The following DSG4 variants were observed in gnomAD, a reference collection of about 807,000 sequenced individuals.
DSG4 encodes desmoglein 4.
Under a neutral mutation model 93.1 loss-of-function variants are expected in DSG4, and 87 were observed. The observed-to-expected ratio is 0.93, with a 90% CI of 0.79 to 1.12. DSG4 has a LOEUF of 1.12. DSG4 is among the 50% of genes most tolerant of loss of function. The pLI is 0.00. For synonymous variants in DSG4, 432 were observed against 452.9 expected (o/e 0.95, Z 0.59); for missense variants, 1,373 against 1,285.7 (o/e 1.07, Z -1.04).
At position 31,406,102 on chromosome 18, in the gene DSG4, G is replaced by C; in HGVS notation, c.1662G>C (p.Lys554Asn). The change falls in exon 12 of 16, where the codon AAG (lysine) becomes AAC (asparagine). Residue 554 changes from lysine (K) to asparagine (N), a missense_variant. By Grantham distance (94) the Lys-to-Asn change is moderately conservative. Transcript: ENST00000308128. ...TNATSAILTA[K>N]QVLSPGFYEI... ...CTACCTCGGCAATCCTTACGGCTAA[G>C]CAGGTTTTATCTCCAGGATTTTATG... 1 of 1,614,048 alleles carries C rather than the reference G, an allele frequency of 6.2e-7. No homozygotes were observed. Among genetic ancestry groups the C allele is most frequent in the Non-Finnish European group, 8.5e-7 (1 of 1,180,010 alleles).
At chr18:31,377,959 A>G (rs2072094360) in intron 1 of DSG4, among the ~76,000 whole-genome samples, 2 of 152,234 alleles carry the variant, frequency 1.3e-5, no homozygotes, top group Admixed American at 1.3e-4. Context: ...TGTAAGAGAC[A>G]GAGAGTAGCT....
At chr18:31,392,054 G>C in intron 7 of DSG4, 101 bp from the exon 8 acceptor site, 1 of 1,126,142 alleles carries the variant, frequency 8.9e-7, no homozygotes, top group Non-Finnish European at 1.3e-6. Flanking sequence ...AAAAATCATC[G>C]ACATAGTTTG....
chr18:31,389,792 A>G (rs2072228525), intron 5 of DSG4, among the ~76,000 whole-genome samples: 2 of 152,196 alleles, frequency 1.3e-5, no homozygotes, highest in African/African-American at 4.8e-5. Context: ...ATTTCAGGAA[A>G]AAAGGCAGAT....
Position 31,406,608 on chromosome 18 carries a change from A to G in DSG4, c.1933+235A>G, listed in dbSNP as rs143233279. Among the ~76,000 whole-genome samples the G allele has an allele frequency of 1.1e-3, 166 of 152,308 alleles. 1 individual carries two copies. The highest frequency in any genetic ancestry group is 3.8e-3 in the African/African-American group (159 of 41,564). ...AAATGGGAAACACATGCAAATCACT[A>G]CATATACTACCTAAAAGCACAAAAC... On this transcript the variant is annotated intron_variant, in intron 12 of 15. Transcript: ENST00000308128.
rs770611447 is a variant in DSG4, at chr18:31,392,255, A to G, written c.920A>G (p.Tyr307Cys). The change falls in exon 8 of 16, where the codon TAT (tyrosine) becomes TGT (cysteine). Residue 307 changes from tyrosine to cysteine, a missense_variant. Transcript: ENST00000308128. ...GGCACTGATAACTGGTTGGCTCAAT[A>G]TTTAATTCTCTCTGGAAATGATGGG... Reference protein sequence around the residue: ...EEGTDNWLAQYLILSGNDGNW... With the variant: ...EEGTDNWLAQCLILSGNDGNW... 5.8e-5 allele frequency: 93 copies of G among 1,613,812 alleles called. No individual in the cohort carries two copies. In the East Asian group the frequency reaches 2.1e-3, roughly 36 times the overall value.
intron 10 of DSG4, among the ~76,000 whole-genome samples, chr18:31,402,425 C>A (rs76457033): frequency 1.3e-5 from 2 of 151,920 alleles, no homozygotes; most frequent in African/African-American, 4.8e-5. Flanking sequence ...TGATGCCTCT[C>A]GAATGAGAAG....
chr18:31,394,149 G>A (rs576303543), intron 8 of DSG4, among the ~76,000 whole-genome samples: 2 of 152,252 alleles, frequency 1.3e-5, no homozygotes, highest in South Asian at 4.1e-4. Flanking sequence ...TCAAGTTGCT[G>A]ATATGAATAC....
intron 1 of DSG4, among the ~76,000 whole-genome samples, chr18:31,384,183 T>A (rs1271819482): frequency 2.0e-5 from 3 of 152,166 alleles, no homozygotes; most frequent in Admixed American, 6.6e-5. Flanking sequence ...CTAATTTTTT[T>A]AAAATTTCAT....
At position 31,403,510 on chromosome 18, in the gene DSG4, C is replaced by T. The variant is rs1409319512; in HGVS notation, c.1512C>T (p.Ile504=). 6.2e-7 allele frequency: 1 copy of T among 1,614,072 alleles called. No individual in the cohort carries two copies. Among genetic ancestry groups the T allele is most frequent in the African/African-American group, 1.3e-5 (1 of 75,056 alleles). Residue 504 remains isoleucine, a synonymous_variant, in exon 11 of 16, where the codon ATC becomes ATT. Transcript: ENST00000308128. Reference sequence around the variant, plus strand: ...ACATTTTTCCTGAAAGAAGAACCATCTGCATTGACTCTCCATCAGTCCTTA... The same window carrying T: ...ACATTTTTCCTGAAAGAAGAACCATTTGCATTGACTCTCCATCAGTCCTTA... ...CPNIFPERRT[I]CIDSPSVLIS... is the part of the protein sequence containing the mutation.
In DSG4 at chr18:31,390,838, A is replaced by G; in HGVS notation, c.684+16A>G. On this transcript the variant is annotated intron_variant, in intron 6 of 15. Coordinates refer to ENST00000308128, the MANE Select transcript of DSG4 (RefSeq NM_177986.5). Reference sequence around the variant, plus strand: ...GGACAGAGAGGTAAAGCCTTCTGTGAATGAACAAGAACTAAAAAATTCAAT... The same window carrying G: ...GGACAGAGAGGTAAAGCCTTCTGTGGATGAACAAGAACTAAAAAATTCAAT... The G allele has an allele frequency of 6.2e-7, 1 of 1,611,124 alleles. No homozygotes were observed. The highest frequency in any genetic ancestry group is 1.1e-5 in the South Asian group (1 of 90,714).
intron 5 of DSG4, among the ~76,000 whole-genome samples, chr18:31,390,371 T>C (rs1016438784): frequency 1.3e-5 from 2 of 152,216 alleles, no homozygotes; most frequent in Admixed American, 1.3e-4. Flanking sequence ...AAGAATCTAT[T>C]GAACTTCTTT....
chr18:31,386,333 G>A lies in DSG4; in HGVS notation c.85-355G>A, dbSNP rs577583970. On this transcript the variant is annotated intron_variant, in intron 2 of 15. Coordinates refer to ENST00000308128, the MANE Select transcript of DSG4 (RefSeq NM_177986.5). ...TTAAACTCTGCAGTCTGTAAATTCT[G>A]GTGAAAGCTCAATGAAGGGTGAGAT... Among the ~76,000 whole-genome samples, 17 of 152,192 alleles carry A rather than the reference G, an allele frequency of 1.1e-4. No homozygotes were observed. In the East Asian group the frequency reaches 1.7e-3, roughly 16 times the overall value.
At chr18:31,389,049 A>G (rs2072221535) in intron 5 of DSG4, 31 bp downstream of exon 5, 2 of 1,609,908 alleles carry the variant, frequency 1.2e-6, no homozygotes, top group East Asian at 4.5e-5. Flanking sequence ...TCTCTACGTC[A>G]CAGCATATCT....
chr18:31,383,553 G>A (rs192293207), intron 1 of DSG4, among the ~76,000 whole-genome samples: 3 of 151,710 alleles, frequency 2.0e-5, no homozygotes. Flanking sequence ...TTTTATTCTA[G>A]CATATTCCTT....
At position 31,413,823 on chromosome 18, in the gene DSG4, G is replaced by T; in HGVS notation, c.*228G>T. On this transcript the variant is annotated 3_prime_UTR_variant, in exon 16 of 16. Coordinates refer to ENST00000308128, the MANE Select transcript of DSG4 (RefSeq NM_177986.5). ...TTTTAAATAATGCGTCAAAAAATGT[G>T]CAGAAAATGTATTGCATCCCTTGAT... The T allele has an allele frequency of 1.9e-6, 1 of 529,380 alleles. No individual in the cohort carries two copies. The highest frequency in any genetic ancestry group is 2.1e-5 in the South Asian group (1 of 48,760). 32.8% of individuals were successfully genotyped at this position (529,380 alleles called of 1,614,324 possible).
intron 1 of DSG4, among the ~76,000 whole-genome samples, chr18:31,380,691 G>A (rs60921765): frequency 0.022 from 3,324 of 152,182 alleles, 122 homozygotes; most frequent in African/African-American, 0.075. Flanking sequence ...TATTATAAGC[G>A]TTATTCAGGA....
intron 5 of DSG4, among the ~76,000 whole-genome samples, chr18:31,389,907 C>T (rs1222553581): frequency 6.6e-6 from 1 of 152,132 alleles, no homozygotes; most frequent in Non-Finnish European, 1.5e-5. Context: ...TCCATCTTTG[C>T]TTCCTCATCA....
At chr18:31,395,611 T>C (rs1391042710) in intron 8 of DSG4, among the ~76,000 whole-genome samples, 1 of 152,202 alleles carries the variant, frequency 6.6e-6, no homozygotes, top group African/African-American at 2.4e-5. Context: ...CTCTTACACC[T>C]TCTCCATTTT....
In DSG4 at chr18:31,402,493, T is replaced by C. The variant is rs369348606; in HGVS notation, c.1418-923T>C. Among the ~76,000 whole-genome samples the C allele has an allele frequency of 3.0e-4, 45 of 152,316 alleles. No individual in the cohort carries two copies. The South Asian group carries it at 7.9e-3, about 27-fold the overall frequency. ...AACAAGTCCAATGCTGAATAGGGTA[T>C]ATAAACATATTATACAAAATCATAT... On this transcript the variant is annotated intron_variant, in intron 10 of 15. Transcript: ENST00000308128.
Sources: allele counts gnomAD v4.1 joint callset (sites outside exome capture counted in the v4.1 genomes callset), GRCh38; gene constraint gnomAD v4.1.1; transcripts MANE v1.5; gene names NCBI Gene and HGNC (gene_info 2026-07-23, HGNC 2026-07-21).